Variants in HCN4 observed in about 807,000 individuals in gnomAD.
The protein encoded by HCN4 is potassium/sodium hyperpolarization-activated cyclic nucleotide-gated channel 4.
HCN4 carries 29 observed loss-of-function variants against 76.9 expected under a neutral mutation model. That is an observed-to-expected ratio of 0.38 (90% CI 0.28 to 0.51). The LOEUF (loss-of-function observed/expected upper bound fraction) is 0.51, where lower values mean the gene tolerates loss of function less well. HCN4 is among the 20% of genes least tolerant of loss of function. The pLI is 0.90. For missense variants in HCN4, 1,416 were observed against 1,715.2 expected (o/e 0.83, Z 3.08); for synonymous variants, 772 against 762.5 (o/e 1.01, Z -0.21).
chr15:73,342,961 C>T (rs1446256643), intron 2 of HCN4, among the ~76,000 whole-genome samples: 1 of 152,230 alleles, frequency 6.6e-6, no homozygotes, highest in Non-Finnish European at 1.5e-5. Flanking sequence ...TCACCCATCC[C>T]TATTCCCTGC....
At chr15:73,339,566 T>TG (rs2042987231) in intron 2 of HCN4, among the ~76,000 whole-genome samples, 1 of 152,168 alleles carries the variant, frequency 6.6e-6, no homozygotes, top group South Asian at 2.1e-4. Context: ...CCAAGGCAGA[T>TG]GGGAGCTGGG....
chr15:73,363,210 C>T (rs183565858), intron 1 of HCN4, among the ~76,000 whole-genome samples: 66 of 152,348 alleles, frequency 4.3e-4, no homozygotes, highest in African/African-American at 1.3e-3. Flanking sequence ...GAAGGGGCCT[C>T]GGAACCCCCA....
In HCN4 at chr15:73,323,627, C is replaced by A; in HGVS notation, c.2466G>T (p.Thr822=). The A allele has an allele frequency of 6.3e-7, 1 of 1,599,472 alleles. No individual in the cohort carries two copies. Among genetic ancestry groups the A allele is most frequent in the African/African-American group, 1.3e-5 (1 of 74,970 alleles). Residue 822 remains threonine, a synonymous_variant, in exon 8 of 8, where the codon ACG becomes ACT. Coordinates refer to ENST00000261917, the MANE Select transcript of HCN4 (RefSeq NM_005477.3). ...ACTGCAGCCGTTTCAGGTGCCTTGG[C>A]GTCTGCCCGGCACCGAGGTTGCCCA... ...SGLGNLGAGQ[T]PRHLKRLQSL... is the part of the protein sequence containing the mutation.
At chr15:73,346,949 T>C (rs1595830452) in intron 1 of HCN4, among the ~76,000 whole-genome samples, 1 of 152,152 alleles carries the variant, frequency 6.6e-6, no homozygotes, top group East Asian at 1.9e-4. Context: ...CCCCGTTCAG[T>C]GGGTTTAGCC....
rs369992037 is a variant in HCN4 at position 73,323,651 on chromosome 15, C to T, written c.2442G>A (p.Leu814=). ...AIFRPPPGSG[L]GNLGAGQTPR... is the part of the protein sequence containing the mutation. ...GCGTCTGCCCGGCACCGAGGTTGCC[C>T]AGCCCAGATCCTGGGGGAGGGCGGA... The change falls in exon 8 of 8, where the codon CTG becomes CTA. Residue 814 remains leucine (L), a synonymous_variant. Coordinates refer to ENST00000261917, the MANE Select transcript of HCN4 (RefSeq NM_005477.3). 2 of 1,594,898 alleles carry T rather than the reference C, an allele frequency of 1.3e-6. No homozygotes were observed. Among genetic ancestry groups the T allele is most frequent in the Non-Finnish European group, 1.7e-6 (2 of 1,172,614 alleles).
intron 1 of HCN4, among the ~76,000 whole-genome samples, chr15:73,362,997 G>A (rs907390423): frequency 6.6e-6 from 1 of 152,202 alleles, no homozygotes; most frequent in Non-Finnish European, 1.5e-5. Context: ...CTTGTCAGGT[G>A]GGACACATCT....
rs1337923566 is a variant in HCN4 at position 73,324,215 on chromosome 15, C to T, written c.2017G>A (p.Val673Met). The change falls in exon 7 of 8, where the codon GTG becomes ATG. Residue 673 changes from valine (V) to methionine (M), a missense_variant. Transcript: ENST00000261917. The stretch of plus-strand genomic sequence containing the variant: ...AGGCGGCAGTAGGTGTCGGCCCTCA[C>T]GCTGGCTGTGCGCCGGCCCCGGGTC... The part of the protein sequence containing the change: ...LLTRGRRTAS[V>M]RADTYCRLYS... 3 of 1,614,064 alleles carry T rather than the reference C, an allele frequency of 1.9e-6. No homozygotes were observed. The highest frequency in any genetic ancestry group is 8.5e-7 in the Non-Finnish European group (1 of 1,179,976).
At chr15:73,355,482 C>CA (rs1012429256) in intron 1 of HCN4, among the ~76,000 whole-genome samples, 5 of 152,156 alleles carry the variant, frequency 3.3e-5, no homozygotes, top group Non-Finnish European at 4.4e-5. Flanking sequence ...CCTGACACCT[C>CA]AGCTCCCAGC....
chr15:73,335,429 A>T (rs546564), intron 2 of HCN4: 1 of 152,156 alleles, frequency 6.6e-6, no homozygotes, highest in African/African-American at 2.4e-5. Flanking sequence ...GTCGTAACTC[A>T]AGCCAACAAA....
At chr15:73,333,946 T>C (rs1469322355) in intron 2 of HCN4, among the ~76,000 whole-genome samples, 2 of 152,192 alleles carry the variant, frequency 1.3e-5, no homozygotes, top group African/African-American at 4.8e-5. Context: ...GTAGCCACCA[T>C]ATTAGATTGT....
At chr15:73,353,110 A>G (rs1015159869) in intron 1 of HCN4, among the ~76,000 whole-genome samples, 1 of 152,244 alleles carries the variant, frequency 6.6e-6, no homozygotes, top group African/African-American at 2.4e-5. Context: ...AAACAAAAAA[A>G]GAATTCACTA....
chr15:73,353,062 G>GGA (rs2043062374), intron 1 of HCN4, among the ~76,000 whole-genome samples: 7 of 151,248 alleles, frequency 4.6e-5, no homozygotes, highest in African/African-American at 1.7e-4. Flanking sequence ...GGACGGACGG[G>GGA]AGACTGTTGC....
chr15:73,337,538 A>G (rs1355157591), intron 2 of HCN4, among the ~76,000 whole-genome samples: 2 of 152,214 alleles, frequency 1.3e-5, no homozygotes, highest in Non-Finnish European at 2.9e-5. Flanking sequence ...TTTTCCTGCA[A>G]TGACCTCCTT....
In HCN4 at chr15:73,368,091, C is replaced by G; in HGVS notation, c.180G>C (p.Ala60=). The G allele has an allele frequency of 6.7e-7, 1 of 1,494,718 alleles. No individual in the cohort carries two copies. The highest frequency in any genetic ancestry group is 2.1e-4 in the Middle Eastern group (1 of 4,792). The allele number at this position is 1,494,718 out of a possible 1,614,324, so 92.6% of individuals were successfully genotyped here. ...LRPLPSPSPS[A]AAGGTESRSS... is the part of the protein sequence containing the mutation. Reference sequence around the variant, plus strand: ...TCCGGGACTCCGTGCCACCCGCGGCCGCCGAGGGGGAGGGCGAGGGCAGTG... The same window carrying G: ...TCCGGGACTCCGTGCCACCCGCGGCGGCCGAGGGGGAGGGCGAGGGCAGTG... Residue 60 remains alanine (A), a synonymous_variant, in exon 1 of 8, where the codon GCG becomes GCC. Coordinates refer to ENST00000261917, the MANE Select transcript of HCN4 (RefSeq NM_005477.3). This position sits in a 1 kb window ranked among gnomAD's most constrained non-coding sequence, Gnocchi z 6.9.
chr15:73,345,056 G>A (rs1339874512), intron 1 of HCN4, among the ~76,000 whole-genome samples: 1 of 152,174 alleles, frequency 6.6e-6, no homozygotes, highest in Admixed American at 6.5e-5. Flanking sequence ...TTTACTGCAG[G>A]GAAGCCAGGA....
In HCN4 at chr15:73,343,927, G is replaced by T; in HGVS notation, c.786-119C>A. On this transcript the variant is annotated intron_variant, in intron 1 of 7. Coordinates refer to ENST00000261917, the MANE Select transcript of HCN4 (RefSeq NM_005477.3). The surrounding 1 kb of genome is among the most constrained non-coding windows in gnomAD (Gnocchi z 5.7). ...AGAAGTCTTGGGAGGTTCTGAGACA[G>T]GAAGACAGGCACATGGGTACCAGGG... 2.0e-6 allele frequency: 2 copies of T among 1,018,266 alleles called. No homozygotes were observed. Among genetic ancestry groups the T allele is most frequent in the Non-Finnish European group, 3.0e-6 (2 of 659,342 alleles). The allele number at this position is 1,018,266 out of a possible 1,614,324, so 63.1% of individuals were successfully genotyped here.
intron 2 of HCN4, among the ~76,000 whole-genome samples, chr15:73,342,633 G>A (rs919680922): frequency 9.9e-5 from 15 of 152,204 alleles, no homozygotes; most frequent in Non-Finnish European, 2.9e-5. Context: ...ACCATTGCTT[G>A]GCTTCCTGCC....
Position 73,367,002 on chromosome 15 carries a change from C to T in HCN4, c.785+484G>A, listed in dbSNP as rs143109602. Among the ~76,000 whole-genome samples, 1,210 of 152,282 alleles carry T rather than the reference C, an allele frequency of 7.9e-3. 11 individuals are homozygous for T. Among genetic ancestry groups the T allele is most frequent in the African/African-American group, 0.027 (1,109 of 41,562 alleles). On this transcript the variant is annotated intron_variant, in intron 1 of 7. Transcript: ENST00000261917. The surrounding 1 kb of genome is among the most constrained non-coding windows in gnomAD (Gnocchi z 7.5). ...GACTTCGGTCCTCCAGGGACCCGGC[C>T]GCAGCTTCCCAGGGCACCAGAAAGC...
At chr15:73,362,939 AC>A (rs775436542) in intron 1 of HCN4, among the ~76,000 whole-genome samples, 6 of 152,130 alleles carry the variant, frequency 3.9e-5, no homozygotes, top group Middle Eastern at 3.2e-3. Context: ...GTTTTTGTGC[AC>A]CCAGCATCCT....
Sources: gnomAD v4.1 joint callset for allele counts (sites outside exome capture counted in the v4.1 genomes callset) on GRCh38, gnomAD v4.1.1 for gene constraint, Gnocchi (gnomAD v3.1) non-coding constraint, MANE v1.5 for transcripts, NCBI Gene and HGNC (gene_info 2026-07-23, HGNC 2026-07-21) for gene names.